The following SIRT2 variants were observed in gnomAD, a reference collection of about 807,000 sequenced individuals.
The protein encoded by SIRT2 is sirtuin 2, also known as NAD-dependent protein deacetylase sirtuin-2.
A neutral mutation model predicts 57.4 loss-of-function variants in SIRT2; 40 were observed. That is an observed-to-expected ratio of 0.70 (90% CI 0.54 to 0.91). SIRT2 has a LOEUF of 0.91. Ranked by LOEUF, SIRT2 falls within the 40% of genes least tolerant of loss-of-function variation. The pLI is 0.00. For missense variants in SIRT2, 439 were observed against 510.4 expected (o/e 0.86, Z 1.35); for synonymous variants, 161 against 195.7 (o/e 0.82, Z 1.48).
intron 9 of SIRT2, among the ~76,000 whole-genome samples, chr19:38,882,635 CAAA>C (rs58017382): frequency 5.1e-5 from 6 of 118,068 alleles, no homozygotes; most frequent in African/African-American, 6.1e-5. Context: ...GACTCCATCT[CAAA>C]AAAAAAAAAA....
At chr19:38,899,472 C>T in intron 1 of SIRT2, 34 bp downstream of exon 1, 1 of 1,611,272 alleles carries the variant, frequency 6.2e-7, no homozygotes, top group Non-Finnish European at 8.5e-7. Flanking sequence ...GGCCCCGGCG[C>T]GGCCCGACCC....
At chr19:38,895,414 G>T (rs1318174354) in intron 2 of SIRT2, among the ~76,000 whole-genome samples, 1 of 152,178 alleles carries the variant, frequency 6.6e-6, no homozygotes, top group Non-Finnish European at 1.5e-5. Context: ...TGAGAACAGG[G>T]TCTGGCTCCT....
intron 10 of SIRT2, 135 bp downstream of exon 10, chr19:38,881,297 A>C (rs926728367): frequency 3.5e-6 from 4 of 1,151,224 alleles, no homozygotes; most frequent in Non-Finnish European, 5.1e-6. Context: ...CATTCTCCCC[A>C]GGATGGATCT....
chr19:38,892,687 T>C (rs1423650007), intron 4 of SIRT2, among the ~76,000 whole-genome samples: 1 of 151,946 alleles, frequency 6.6e-6, no homozygotes, highest in Non-Finnish European at 1.5e-5. Flanking sequence ...AATCCTCCCT[T>C]CTCAGCCTCC....
At chr19:38,889,214 C>T (rs1447115872) in intron 7 of SIRT2, 59 bp from the exon 8 acceptor site, 17 of 1,491,438 alleles carry the variant, frequency 1.1e-5, no homozygotes, top group Admixed American at 1.7e-5. Flanking sequence ...AGGCCACTGC[C>T]GCATGCCAGG....
intron 8 of SIRT2, among the ~76,000 whole-genome samples, 172 bp downstream of exon 8, chr19:38,888,915 A>G (rs900749790): frequency 6.6e-6 from 1 of 152,198 alleles, no homozygotes; most frequent in African/African-American, 2.4e-5. Flanking sequence ...TGAGGCAGAG[A>G]AGACGTGACT....
intron 8 of SIRT2, among the ~76,000 whole-genome samples, chr19:38,885,920 A>T (rs1301733428): frequency 6.6e-6 from 1 of 152,058 alleles, no homozygotes; most frequent in Non-Finnish European, 1.5e-5. Context: ...GAGACTTTCC[A>T]TATTAAACAG....
chr19:38,891,271 G>A (rs779373534), intron 4 of SIRT2, among the ~76,000 whole-genome samples: 97 of 152,174 alleles, frequency 6.4e-4, no homozygotes, highest in Non-Finnish European at 1.2e-3. Flanking sequence ...TTTTAGGGCC[G>A]GGCCCGGTGG....
At chr19:38,894,568 C>T (rs764471740) in intron 2 of SIRT2, among the ~76,000 whole-genome samples, 2 of 152,042 alleles carry the variant, frequency 1.3e-5, no homozygotes, top group African/African-American at 2.4e-5. Flanking sequence ...TCCCCTGGAG[C>T]GTGGGCCTGC....
intron 9 of SIRT2, among the ~76,000 whole-genome samples, chr19:38,882,285 G>T (rs776574461): frequency 1.3e-5 from 2 of 152,068 alleles, no homozygotes; most frequent in Non-Finnish European, 2.9e-5. Flanking sequence ...AAAGTGTTGG[G>T]ATTACAGGCA....
chr19:38,894,895 G>A (rs1289726607), intron 2 of SIRT2: 1 of 456,114 alleles, frequency 2.2e-6, no homozygotes, highest in Non-Finnish European at 4.4e-6. Flanking sequence ...TCTGCCCTCA[G>A]ATCCGGGGTT....
rs571143122 is a variant in SIRT2 at position 38,880,270 on chromosome 19, G to A, written c.876+415C>T. ...GGGACAGTGTCTGCCCACAGCGTGC[G>A]CTGCTTGCCCGGTGACCCTGCCTAC... On this transcript the variant is annotated intron_variant, in intron 13 of 15. Coordinates refer to ENST00000249396, the MANE Select transcript of SIRT2 (RefSeq NM_012237.4). This position sits in a 1 kb window ranked among gnomAD's most constrained non-coding sequence, Gnocchi z 4.1. 7.5e-4 allele frequency: 153 copies of A among 204,046 alleles called. No homozygotes were observed. Among genetic ancestry groups the A allele is most frequent in the Non-Finnish European group, 1.2e-3 (118 of 101,350 alleles). The allele number at this position is 204,046 out of a possible 1,614,324, so 12.6% of individuals were successfully genotyped here.
At chr19:38,889,029 G>A in intron 8 of SIRT2, 58 bp downstream of exon 8, 4 of 1,515,018 alleles carry the variant, frequency 2.6e-6, no homozygotes, top group Non-Finnish European at 3.6e-6. Context: ...CCTCTGCTGA[G>A]GACACCATGC....
intron 2 of SIRT2, chr19:38,894,963 T>C: frequency 4.4e-6 from 2 of 454,970 alleles, no homozygotes; most frequent in South Asian, 3.1e-5. Flanking sequence ...TCCTACTATG[T>C]CCCAAATGGA....
At chr19:38,898,708 C>A (rs1973815912) in intron 1 of SIRT2, 1 of 332,776 alleles carries the variant, frequency 3.0e-6, no homozygotes, top group Non-Finnish European at 5.5e-6. Flanking sequence ...TGGTCTTGAA[C>A]TCCTGGGCTC....
chr19:38,899,491 G>C lies in SIRT2; in HGVS notation c.16+15C>G. 1 of 1,613,134 alleles carries C rather than the reference G, an allele frequency of 6.2e-7. No individual in the cohort carries two copies. Among genetic ancestry groups the C allele is most frequent in the Non-Finnish European group, 8.5e-7 (1 of 1,179,848 alleles). ...CCGGCGCGGCCCGACCCTCCTACCC[G>C]GATCCCCGACTCACGGTCTGGCTCT... On this transcript the variant is annotated intron_variant, in intron 1 of 15. Coordinates refer to ENST00000249396, the MANE Select transcript of SIRT2 (RefSeq NM_012237.4).
At position 38,899,569 on chromosome 19, in the gene SIRT2, G is replaced by C. The variant is rs1973863736; in HGVS notation, c.-48C>G. On this transcript the variant is annotated 5_prime_UTR_variant, in exon 1 of 16. Transcript: ENST00000249396. The stretch of plus-strand genomic sequence containing the variant: ...AGGCTGTCACCGACCGCTCTGTCCC[G>C]TCACCAACCACTGTGTCCCGTCACC... The C allele has an allele frequency of 5.6e-6, 9 of 1,613,028 alleles. No homozygotes were observed. Among genetic ancestry groups the C allele is most frequent in the Non-Finnish European group, 6.8e-6 (8 of 1,179,334 alleles).
chr19:38,895,686 C>T (rs991204294), intron 2 of SIRT2, among the ~76,000 whole-genome samples: 4 of 152,226 alleles, frequency 2.6e-5, no homozygotes, highest in Non-Finnish European at 5.9e-5. Flanking sequence ...CCTGTAATCC[C>T]ACCACTTTGG....
intron 2 of SIRT2, among the ~76,000 whole-genome samples, chr19:38,895,144 AC>A (rs1053349701): frequency 6.9e-6 from 1 of 145,394 alleles, no homozygotes; most frequent in African/African-American, 2.6e-5. Context: ...CTGTCCACCA[AC>A]CCCCTTTCCC....
Sources: allele counts gnomAD v4.1 joint callset (sites outside exome capture counted in the v4.1 genomes callset), GRCh38; gene constraint gnomAD v4.1.1; non-coding constraint Gnocchi (gnomAD v3.1); transcripts MANE v1.5; gene names NCBI Gene and HGNC (gene_info 2026-07-23, HGNC 2026-07-21).